TTLL9: variants seen among roughly 807,000 people sequenced by gnomAD.
TTLL9 encodes probable tubulin polyglutamylase TTLL9.
A neutral mutation model predicts 65.6 loss-of-function variants in TTLL9; 47 were observed. That is an observed-to-expected ratio of 0.72 (90% CI 0.57 to 0.91). The LOEUF (loss-of-function observed/expected upper bound fraction) is 0.91, where lower values mean the gene tolerates loss of function less well. TTLL9 is among the 40% of genes least tolerant of loss of function. The pLI is 0.00. For missense variants in TTLL9, 537 were observed against 568.8 expected (o/e 0.94, Z 0.57); for synonymous variants, 179 against 204.8 (o/e 0.87, Z 1.07).
intron 11 of TTLL9, 30 bp from the exon 12 acceptor site, chr20:31,934,662 C>G (rs1568837490): frequency 6.3e-7 from 1 of 1,583,936 alleles, no homozygotes; most frequent in African/African-American, 1.3e-5. Flanking sequence ...AACTGAGGCT[C>G]CTCTCTCGAC....
At chr20:31,929,705 T>G (rs896583261) in intron 10 of TTLL9, among the ~76,000 whole-genome samples, 3 of 152,202 alleles carry the variant, frequency 2.0e-5, no homozygotes, top group Non-Finnish European at 4.4e-5. Flanking sequence ...TGACACATAA[T>G]GCTGCAAAGG....
At chr20:31,927,294 C>T (rs1050796564) in intron 10 of TTLL9, among the ~76,000 whole-genome samples, 1 of 151,844 alleles carries the variant, frequency 6.6e-6, no homozygotes, top group African/African-American at 2.4e-5. Context: ...CCAGCCTGAC[C>T]AACATGGTGA....
At position 31,938,274 on chromosome 20, in the gene TTLL9, T is replaced by C. The variant is rs568575559; in HGVS notation, c.1118+765T>C. 1.5e-3 allele frequency: 699 copies of C among 454,016 alleles called. 6 individuals are homozygous for C. The highest frequency in any genetic ancestry group is 9.1e-3 in the South Asian group (581 of 63,914). 28.1% of individuals were successfully genotyped at this position (454,016 alleles called of 1,614,324 possible). ...ACTCTGCTTGACCAGGTATAGTTCT[T>C]GTGCCCACCTCCTAGGGAGTGGGGT... On this transcript the variant is annotated intron_variant, in intron 13 of 14. Transcript: ENST00000535842.
At chr20:31,897,150 G>A (rs1478353047) in intron 3 of TTLL9, among the ~76,000 whole-genome samples, 1 of 152,196 alleles carries the variant, frequency 6.6e-6, no homozygotes, top group Non-Finnish European at 1.5e-5. Flanking sequence ...TGAAACCACT[G>A]AGCCTGGAGA....
At chr20:31,886,228 G>A (rs1344278615) in intron 2 of TTLL9, among the ~76,000 whole-genome samples, 3 of 152,212 alleles carry the variant, frequency 2.0e-5, no homozygotes, top group African/African-American at 7.2e-5. Flanking sequence ...CACTGATTTT[G>A]TGGTAATTTG....
At chr20:31,872,429 A>C (rs1210040309) in intron 2 of TTLL9, among the ~76,000 whole-genome samples, 1 of 151,896 alleles carries the variant, frequency 6.6e-6, no homozygotes, top group Non-Finnish European at 1.5e-5. Context: ...GTAATCCCAG[A>C]ACTTTGGGAG....
chr20:31,932,723 T>C (rs2064039200), intron 10 of TTLL9, among the ~76,000 whole-genome samples: 1 of 151,862 alleles, frequency 6.6e-6, no homozygotes, highest in Admixed American at 6.6e-5. Flanking sequence ...TGGTACTGGG[T>C]GTGGTGGCTC....
At chr20:31,884,234 T>G (rs561160639) in intron 2 of TTLL9, 1 of 367,858 alleles carries the variant, frequency 2.7e-6, no homozygotes, top group African/African-American at 2.1e-5. Context: ...TATTTATTTA[T>G]TTATTTTTTG....
intron 11 of TTLL9, 23 bp from the exon 12 acceptor site, chr20:31,934,669 C>G (rs763167568): frequency 2.5e-6 from 4 of 1,593,530 alleles, no homozygotes; most frequent in Non-Finnish European, 3.4e-6. Context: ...GCTCCTCTCT[C>G]GACCCGGCTG....
intron 3 of TTLL9, 147 bp downstream of exon 3, chr20:31,887,386 T>A: frequency 1.1e-6 from 1 of 923,070 alleles, no homozygotes; most frequent in Non-Finnish European, 1.7e-6. Flanking sequence ...TATTGAGCAC[T>A]TACCATGTGC....
intron 10 of TTLL9, among the ~76,000 whole-genome samples, chr20:31,928,048 C>CT (rs11339322): frequency 0.015 from 2,134 of 146,510 alleles, 37 homozygotes; most frequent in African/African-American, 0.047. Context: ...TTGCCACCTA[C>CT]TTTTTTTTTT....
At chr20:31,932,287 C>A (rs959305399) in intron 10 of TTLL9, among the ~76,000 whole-genome samples, 4 of 152,064 alleles carry the variant, frequency 2.6e-5, no homozygotes, top group African/African-American at 7.3e-5. Context: ...GCCTGGCCAA[C>A]ATGGTGAGAC....
In TTLL9 at chr20:31,943,091, A is replaced by G. The variant is rs746135823; in HGVS notation, c.*70A>G. On this transcript the variant is annotated 3_prime_UTR_variant, in exon 15 of 15. Coordinates refer to ENST00000535842, the MANE Select transcript of TTLL9 (RefSeq NM_001008409.5). ...GGCCTCCCCCCCACTCCCAGATCCC[A>G]GCACAGCACCTCACAGCATTCGCCT... 7.1e-7 allele frequency: 1 copy of G among 1,416,244 alleles called. No individual in the cohort carries two copies. Among genetic ancestry groups the G allele is most frequent in the Non-Finnish European group, 1.0e-6 (1 of 1,004,582 alleles). 87.7% of individuals were successfully genotyped at this position (1,416,244 alleles called of 1,614,324 possible).
At chr20:31,873,611 C>T (rs1297363481) in intron 2 of TTLL9, among the ~76,000 whole-genome samples, 1 of 147,446 alleles carries the variant, frequency 6.8e-6, no homozygotes, top group African/African-American at 2.5e-5. Context: ...GATCACATCA[C>T]TGTACTTCAG....
At position 31,926,048 on chromosome 20, in the gene TTLL9, G is replaced by A. The variant is rs779879351; in HGVS notation, c.706-1G>A. 3 of 1,613,944 alleles carry A rather than the reference G, an allele frequency of 1.9e-6. No homozygotes were observed. Among genetic ancestry groups the A allele is most frequent in the South Asian group, 2.2e-5 (2 of 91,028 alleles). On this transcript the variant is annotated splice_acceptor_variant, in intron 9 of 14. Transcript: ENST00000535842. LOFTEE classifies it high-confidence loss of function. Reference sequence around the variant, plus strand: ...CCCAAGTGAACTCCTTTGTCCCACAGGTGTTTGCTGAATGCCTGCTGTGGT... The same window carrying A: ...CCCAAGTGAACTCCTTTGTCCCACAAGTGTTTGCTGAATGCCTGCTGTGGT...
chr20:31,870,677 G>A lies in TTLL9; in HGVS notation c.-278G>A. On this transcript the variant is annotated 5_prime_UTR_variant, in exon 1 of 15. Transcript: ENST00000535842. This position sits in a 1 kb window ranked among gnomAD's most constrained non-coding sequence, Gnocchi z 6.6. ...CCCGCGGGACAACGGCAGTTTGTTG[G>A]GGCCGCGTGGGGCCGCCACCTCCGG... is the stretch of plus-strand genomic sequence containing the variant. 1 of 1,025,494 alleles carries A rather than the reference G, an allele frequency of 9.8e-7. No homozygotes were observed. The allele number at this position is 1,025,494 out of a possible 1,614,324, so 63.5% of individuals were successfully genotyped here.
At chr20:31,879,769 C>A in intron 2 of TTLL9, 1 of 1,527,414 alleles carries the variant, frequency 6.5e-7, no homozygotes, top group Non-Finnish European at 8.8e-7. Flanking sequence ...ATGCCCTTGG[C>A]TCATCCAATC....
chr20:31,934,581 C>G (rs777214932), intron 11 of TTLL9, 111 bp from the exon 12 acceptor site: 3 of 1,014,958 alleles, frequency 3.0e-6, no homozygotes, highest in Non-Finnish European at 2.9e-6. Flanking sequence ...AGGGCTGGGC[C>G]CCTCTTGCCC....
chr20:31,908,784 C>A, intron 5 of TTLL9, 82 bp downstream of exon 5: 1 of 1,130,856 alleles, frequency 8.8e-7, no homozygotes, highest in Non-Finnish European at 1.3e-6. Context: ...GTACAAGGAT[C>A]AGAAAAGTGT....
Sources: allele counts gnomAD v4.1 joint callset (sites outside exome capture counted in the v4.1 genomes callset), GRCh38; gene constraint gnomAD v4.1.1; non-coding constraint Gnocchi (gnomAD v3.1); transcripts MANE v1.5; gene names NCBI Gene and HGNC (gene_info 2026-07-23, HGNC 2026-07-21).